The following SORL1 variants were observed in gnomAD, a reference collection of about 807,000 sequenced individuals.
The protein encoded by SORL1 is sortilin related receptor 1.
A neutral mutation model predicts 273.7 loss-of-function variants in SORL1; 127 were observed. That is an observed-to-expected ratio of 0.46 (90% CI 0.40 to 0.54). SORL1 has a LOEUF of 0.54. Among genes scored for constraint, SORL1 ranks in the 20% least tolerant of loss-of-function variants. The probability of loss-of-function intolerance (pLI) is 0.00; values close to 1 mark genes in which losing one functional copy is unlikely to be tolerated. For synonymous variants in SORL1, 1,031 were observed against 1,067.4 expected, an observed-to-expected ratio of 0.97 and a Z score of 0.66; for missense variants, 2,494 against 2,846.1, an observed-to-expected ratio of 0.88 and a Z score of 2.81.
At chr11:121,520,264 A>G (rs1422622301) in intron 8 of SORL1, among the ~76,000 whole-genome samples, 1 of 152,226 alleles carries the variant, frequency 6.6e-6, no homozygotes, top group East Asian at 1.9e-4. Flanking sequence ...GTCTCCAAAA[A>G]AAAAGGAATG....
chr11:121,521,855 C>T (rs1862045334), intron 9 of SORL1, among the ~76,000 whole-genome samples: 2 of 152,162 alleles, frequency 1.3e-5, no homozygotes, highest in Non-Finnish European at 2.9e-5. Flanking sequence ...GCACATAGTC[C>T]TCCTGTGCAG....
intron 26 of SORL1, among the ~76,000 whole-genome samples, chr11:121,585,500 TACACACACACAC>T (rs58254356): frequency 4.1e-4 from 57 of 137,556 alleles, no homozygotes; most frequent in Middle Eastern, 3.6e-3. Flanking sequence ...AAAATGTATA[TACACACACACAC>T]ACACACACAC....
intron 18 of SORL1, among the ~76,000 whole-genome samples, chr11:121,555,864 C>G (rs181285357): frequency 0.013 from 1,950 of 151,828 alleles, 40 homozygotes; most frequent in African/African-American, 0.045. Flanking sequence ...TCTAAACTGC[C>G]AAATCTTTGT....
At chr11:121,455,801 T>A (rs938573418) in intron 1 of SORL1, among the ~76,000 whole-genome samples, 1 of 152,220 alleles carries the variant, frequency 6.6e-6, no homozygotes, top group African/African-American at 2.4e-5. Flanking sequence ...GAAACCAGCC[T>A]GGTCCACATG....
chr11:121,526,106 T>A (rs1032082398), intron 11 of SORL1, among the ~76,000 whole-genome samples: 9 of 152,228 alleles, frequency 5.9e-5, no homozygotes, highest in Non-Finnish European at 8.8e-5. Context: ...GGAGTTTTTT[T>A]AAAAATATAT....
At chr11:121,521,467 A>G (rs893134264) in intron 9 of SORL1, among the ~76,000 whole-genome samples, 8 of 152,158 alleles carry the variant, frequency 5.3e-5, no homozygotes, top group Non-Finnish European at 8.8e-5. Flanking sequence ...AATTAATGGT[A>G]TCATTCAAAT....
At chr11:121,515,397 CCTGAA>C (rs1351004067) in intron 8 of SORL1, among the ~76,000 whole-genome samples, 1 of 152,028 alleles carries the variant, frequency 6.6e-6, no homozygotes, top group Non-Finnish European at 1.5e-5. Context: ...TAAGCAGGTG[CCTGAA>C]TTACATGAGG....
chr11:121,586,436 G>C (rs1433621629), intron 27 of SORL1, 107 bp downstream of exon 27: 6 of 860,158 alleles, frequency 7.0e-6, no homozygotes, highest in Admixed American at 5.3e-5. Context: ...CTTGTGGTTA[G>C]CTTTTAACTG....
At chr11:121,611,278 C>A (rs1221114900) in intron 39 of SORL1, 120 bp downstream of exon 39, 3 of 681,476 alleles carry the variant, frequency 4.4e-6, no homozygotes, top group Non-Finnish European at 7.6e-6. Flanking sequence ...AAACGAACGG[C>A]TAGATCTAGT....
At chr11:121,512,137 G>A (rs147813009) in intron 6 of SORL1, among the ~76,000 whole-genome samples, 392 of 152,218 alleles carry the variant, frequency 2.6e-3, no homozygotes, top group African/African-American at 8.9e-3. Flanking sequence ...CTGATAAAAC[G>A]TACGGAGCCT....
chr11:121,520,328 T>C (rs953396535), intron 8 of SORL1, among the ~76,000 whole-genome samples: 22 of 152,330 alleles, frequency 1.4e-4, no homozygotes, highest in African/African-American at 5.1e-4. Context: ...TTATGCTAAG[T>C]GAAAGTAACC....
In SORL1 at chr11:121,595,052, A is replaced by C. The variant is rs1863272658; in HGVS notation, c.4370-571A>C. 6.6e-6 allele frequency among the ~76,000 whole-genome samples: 1 copy of C among 152,232 alleles called. No individual in the cohort carries two copies. Among genetic ancestry groups the C allele is most frequent in the Non-Finnish European group, 1.5e-5 (1 of 68,036 alleles). On this transcript the variant is annotated intron_variant, in intron 31 of 47. Coordinates refer to ENST00000260197, the MANE Select transcript of SORL1 (RefSeq NM_003105.6). The surrounding 1 kb of genome is among the most constrained non-coding windows in gnomAD (Gnocchi z 5.1). ...TACTTGCTGTCAACTACGCCTATCT[A>C]AACAACTCTCTGTTTTTACTTTCTC...
intron 3 of SORL1, among the ~76,000 whole-genome samples, chr11:121,487,766 T>C (rs1861495940): frequency 6.6e-6 from 1 of 152,198 alleles, no homozygotes; most frequent in Non-Finnish European, 1.5e-5. Flanking sequence ...CTTCATTACC[T>C]GGTTAAACAA....
intron 35 of SORL1, among the ~76,000 whole-genome samples, 185 bp downstream of exon 35, chr11:121,605,756 C>T (rs924242502): frequency 6.6e-6 from 1 of 152,190 alleles, no homozygotes; most frequent in East Asian, 1.9e-4. Context: ...GCATCAGAGA[C>T]TGTTCTTGTA....
chr11:121,466,602 C>T (rs1328291711), intron 1 of SORL1, among the ~76,000 whole-genome samples: 1 of 152,090 alleles, frequency 6.6e-6, no homozygotes, highest in African/African-American at 2.4e-5. Context: ...ACAGGTGAGG[C>T]CAGAGGGTAG....
chr11:121,590,727 C>A, intron 30 of SORL1: 1 of 675,722 alleles, frequency 1.5e-6, no homozygotes, highest in Non-Finnish European at 2.7e-6. Context: ...GTTTCTTTCA[C>A]CAGCCCCTGC....
In SORL1 at chr11:121,558,825, T is replaced by C. The variant is rs1289047896; in HGVS notation, c.2898T>C (p.Ile966=). The C allele has an allele frequency of 2.5e-6, 4 of 1,614,012 alleles. No individual in the cohort carries two copies. The highest frequency in any genetic ancestry group is 3.4e-6 in the Non-Finnish European group (4 of 1,180,006). ...ILDNLPHPYA[I]AVFKNEIYWD... Reference sequence around the variant, plus strand: ...ACAACCTCCCGCACCCCTATGCCATTGCTGTCTTTAAGGTGAGTCCATTTG... The same window carrying C: ...ACAACCTCCCGCACCCCTATGCCATCGCTGTCTTTAAGGTGAGTCCATTTG... Residue 966 remains isoleucine (I), a synonymous_variant, in exon 20 of 48, where the codon ATT becomes ATC. Transcript: ENST00000260197.
chr11:121,603,983 G>A (rs1863430041), intron 32 of SORL1, among the ~76,000 whole-genome samples: 1 of 152,204 alleles, frequency 6.6e-6, no homozygotes, highest in Non-Finnish European at 1.5e-5. Context: ...ACTCCAAAGT[G>A]CTCACTCTTC....
At chr11:121,577,539 G>C (rs2134937783) in intron 25 of SORL1, 139 bp downstream of exon 25, 1 of 973,196 alleles carries the variant, frequency 1.0e-6, no homozygotes, top group Admixed American at 3.0e-5. Context: ...GCTTCTCAAA[G>C]AGCTGGTCTT....
Sources: gnomAD v4.1 joint callset for allele counts (sites outside exome capture counted in the v4.1 genomes callset) on GRCh38, gnomAD v4.1.1 for gene constraint, Gnocchi (gnomAD v3.1) non-coding constraint, MANE v1.5 for transcripts, NCBI Gene and HGNC (gene_info 2026-07-23, HGNC 2026-07-21) for gene names.